TTN: variants seen among roughly 807,000 people sequenced by gnomAD.
TTN encodes the protein connectin.
A neutral mutation model predicts 3,223.0 loss-of-function variants in TTN; 1,525 were observed. The ratio of observed to expected loss-of-function variants is 0.47; its 90% CI spans 0.45 to 0.49. The LOEUF is 0.49. Ranked by LOEUF, TTN falls within the 20% of genes least tolerant of loss-of-function variation. The pLI is 0.00. For missense variants in TTN, 40,786 were observed against 43,424.0 expected (o/e 0.94, Z 5.40); for synonymous variants, 14,094 against 15,161.0 (o/e 0.93, Z 5.17).
chr2:178,741,650 G>A lies in TTN; in HGVS notation c.11583C>T (p.Thr3861=), dbSNP rs11899887. 1.8e-4 allele frequency: 288 copies of A among 1,613,752 alleles called. 6 individuals are homozygous for A. The African/African-American group carries it at 2.7e-3, about 15-fold the overall frequency. Residue 3861 remains threonine, a synonymous_variant, in exon 48 of 363, where the codon ACC becomes ACT. Transcript: ENST00000589042. ...IQWFFNGVLL[T]PSADYKFVFD... ...AAACAAATTTGTAGTCAGCAGAAGG[G>A]GTTAATAGCACTCCATTAAAGAACC...
rs376628842 is a variant in TTN, at chr2:178,549,821, C to T, written c.91901G>A (p.Gly30634Glu). 55 of 1,599,904 alleles carry T rather than the reference C, an allele frequency of 3.4e-5. No individual in the cohort carries two copies. The highest frequency in any genetic ancestry group is 4.6e-5 in the Non-Finnish European group (54 of 1,170,922). The change falls in exon 338 of 363, where the codon GGG becomes GAG. Residue 30634 changes from glycine (G) to glutamate (E), a missense_variant. Transcript: ENST00000589042. ...ATCCCACCACAGAGTCATCTTCTCCCCAGTAATATTGGTGAATCTTATTGG... is the reference window on the plus strand; with the variant it reads ...ATCCCACCACAGAGTCATCTTCTCCTCAGTAATATTGGTGAATCTTATTGG... ...VGPIRFTNIT[G>E]EKMTLWWDAP...
rs2055102170 is a variant in TTN at position 178,607,238 on chromosome 2, T to C, written c.53364A>G (p.Pro17788=). Residue 17788 remains proline (P), a synonymous_variant, in exon 278 of 363, where the codon CCA becomes CCG. Coordinates refer to ENST00000589042, the MANE Select transcript of TTN (RefSeq NM_001267550.2). ...RKMCLLNWSD[P]EDDGGSEITG... ...TTATTTCACTTCCTCCATCATCTTC[T>C]GGATCAGACCAGTTAAGTAGACACA... 5 of 1,612,890 alleles carry C rather than the reference T, an allele frequency of 3.1e-6. No homozygotes were observed. Among genetic ancestry groups the C allele is most frequent in the Non-Finnish European group, 3.4e-6 (4 of 1,179,320 alleles).
rs769941195 is a variant in TTN at position 178,556,837 on chromosome 2, A to C, written c.88306+11T>G. On this transcript the variant is annotated intron_variant, in intron 330 of 362. Transcript: ENST00000589042. ...ATAGCAATTTTGATTCAAAGTGCTA[A>C]GCATGCTTACCATAAGAATCGATGC... 6.2e-7 allele frequency: 1 copy of C among 1,612,632 alleles called. No homozygotes were observed. Among genetic ancestry groups the C allele is most frequent in the South Asian group, 1.1e-5 (1 of 91,034 alleles).
At chr2:178,642,364 C>T (rs779033292) in intron 218 of TTN, 47 bp from the exon 219 acceptor site, 37 of 1,507,922 alleles carry the variant, frequency 2.5e-5, no homozygotes, top group South Asian at 1.0e-4. Flanking sequence ...TATATAAAAA[C>T]GGAATTTCAA....
intron 223 of TTN, among the ~76,000 whole-genome samples, chr2:178,637,787 G>T (rs930878068): frequency 4.6e-5 from 7 of 152,030 alleles, no homozygotes; most frequent in East Asian, 3.9e-4. Context: ...ATAAGGTTTT[G>T]TCAATAAATC....
rs864622709 is a variant in TTN at position 178,654,235 on chromosome 2, T to C, written c.38353A>G (p.Lys12785Glu). 5 of 1,599,198 alleles carry C rather than the reference T, an allele frequency of 3.1e-6. No homozygotes were observed. Among genetic ancestry groups the C allele is most frequent in the Non-Finnish European group, 4.2e-6 (5 of 1,177,958 alleles). ...LEKKVSVAVP[K>E]KPEAPRAKVP... is the part of the protein sequence containing the mutation. ...TTTGCACGTGGGGCTTCCGGTTTTT[T>C]GGGCACAGCCACAGATACTTTCTTT... Residue 12785 changes from lysine to glutamate, a missense_variant, in exon 193 of 363, where the codon AAA becomes GAA. Transcript: ENST00000589042.
At position 178,557,025 on chromosome 2, in the gene TTN, G is replaced by A. The variant is rs908918470; in HGVS notation, c.88129C>T (p.Leu29377Phe). The A allele has an allele frequency of 1.9e-6, 3 of 1,613,680 alleles. No homozygotes were observed. The African/African-American group carries it at 4.0e-5, about 22-fold the overall frequency. ...ITGYIVERRD[L>F]PDGRWTKASF... ...GCCTTGGTCCATCTGCCATCTGGAA[G>A]GTCACGTCTCTCAACAATGTAGCCT... is the stretch of plus-strand genomic sequence containing the variant. The change falls in exon 330 of 363, where the codon CTT becomes TTT. Residue 29377 changes from leucine to phenylalanine, a missense_variant. Physicochemically the swap from Leu to Phe is conservative, Grantham distance 22. Transcript: ENST00000589042.
At chr2:178,637,682 C>T (rs1291341899) in intron 223 of TTN, among the ~76,000 whole-genome samples, 1 of 151,970 alleles carries the variant, frequency 6.6e-6, no homozygotes, top group African/African-American at 2.4e-5. Flanking sequence ...TTTTGGAAGG[C>T]TTACTGTTGC....
chr2:178,571,081 A>G lies in TTN; in HGVS notation c.75051T>C (p.Ile25017=), dbSNP rs1409342182. The G allele has an allele frequency of 1.2e-6, 2 of 1,613,118 alleles. No individual in the cohort carries two copies. The highest frequency in any genetic ancestry group is 1.7e-6 in the Non-Finnish European group (2 of 1,179,414). Residue 25017 remains isoleucine, a synonymous_variant, in exon 326 of 363, where the codon ATT becomes ATC. Transcript: ENST00000589042. ...CDPPGRPEAI[I]VTRNSVTLQW... is the part of the protein sequence containing the mutation. ...GAAGAGTCACAGAATTCCTTGTGAC[A>G]ATGATTGCCTCTGGCCGTCCTGGTG...
Position 178,650,239 on chromosome 2 carries a change from C to A in TTN, c.39742G>T (p.Glu13248Ter). Residue 13248 changes from glutamate to a stop codon, truncating the protein, a stop_gained, in exon 210 of 363, where the codon GAG becomes TAG. Coordinates refer to ENST00000589042, the MANE Select transcript of TTN (RefSeq NM_001267550.2). LOFTEE classifies it high-confidence loss of function. ...YEEPEEIAPE[E>*]EIAPEEEKPV... is the part of the protein sequence containing the mutation. Reference sequence around the variant, plus strand: ...TTTTCCTCTTCAGGAGCAATTTCCTCTTCAGGAGCAATTTCCTCAGGTTCT... The same window carrying A: ...TTTTCCTCTTCAGGAGCAATTTCCTATTCAGGAGCAATTTCCTCAGGTTCT... The A allele has an allele frequency of 6.3e-7, 1 of 1,593,492 alleles. No homozygotes were observed. The highest frequency in any genetic ancestry group is 2.3e-5 in the East Asian group (1 of 44,032).
chr2:178,598,772 G>A lies in TTN; in HGVS notation c.56938C>T (p.Pro18980Ser). ...GVGPASLPSD[P>S]ATARDPIAPP... ...CCAATTGGATCTCTAGCAGTCGCTG[G>A]GTCTGATGGCAGACTTGCTGGACCC... The change falls in exon 291 of 363, where the codon CCA (proline) becomes TCA (serine). Residue 18980 changes from proline (P) to serine (S), a missense_variant. By Grantham distance (74) the Pro-to-Ser change is moderately conservative (BLOSUM62 -1). Coordinates refer to ENST00000589042, the MANE Select transcript of TTN (RefSeq NM_001267550.2). 1 of 1,613,170 alleles carries A rather than the reference G, an allele frequency of 6.2e-7. No individual in the cohort carries two copies. Among genetic ancestry groups the A allele is most frequent in the Non-Finnish European group, 8.5e-7 (1 of 1,179,472 alleles).
At chr2:178,536,600 G>A in intron 356 of TTN, 25 bp from the exon 357 acceptor site, 1 of 1,472,162 alleles carries the variant, frequency 6.8e-7, no homozygotes, top group Non-Finnish European at 9.0e-7. Context: ...AAAGATTTGA[G>A]TCATGAGATG....
In TTN at chr2:178,607,475, T is replaced by A. The variant is rs773447539; in HGVS notation, c.53213A>T (p.Asp17738Val). ...AGCTGTAATCACATATCTGCCATGG[T>A]CTTTTCGCAGTGCATCCTTGATAAT... ...ELIIKDALRK[D>V]HGRYVITATN... Residue 17738 changes from aspartate to valine, a missense_variant, in exon 277 of 363, where the codon GAC becomes GTC. Transcript: ENST00000589042. The A allele has an allele frequency of 2.2e-5, 36 of 1,613,158 alleles. No homozygotes were observed. In the Admixed American group the frequency reaches 2.8e-4, roughly 13 times the overall value.
At position 178,636,277 on chromosome 2, in the gene TTN, A is replaced by C. The variant is rs1290840504; in HGVS notation, c.41330-36T>G. 2.0e-6 allele frequency: 3 copies of C among 1,479,356 alleles called. No homozygotes were observed. In the African/African-American group the frequency reaches 4.3e-5, roughly 21 times the overall value. 91.6% of individuals were successfully genotyped at this position (1,479,356 alleles called of 1,614,324 possible). A position where few individuals can be genotyped will look rare whatever the true frequency, so the allele number is the denominator to read the frequency against. Reference sequence around the variant, plus strand: ...TTTCAGTATATATTTCAATAAATACAATATTTTCAATGAAATAAAACTTGG... The same window carrying C: ...TTTCAGTATATATTTCAATAAATACCATATTTTCAATGAAATAAAACTTGG... On this transcript the variant is annotated intron_variant, in intron 225 of 362. Coordinates refer to ENST00000589042, the MANE Select transcript of TTN (RefSeq NM_001267550.2). This position sits in a 1 kb window ranked among gnomAD's most constrained non-coding sequence, Gnocchi z 4.3.
chr2:178,652,638 C>T lies in TTN; in HGVS notation c.39043+15G>A. The stretch of plus-strand genomic sequence containing the variant: ...AGAGATAGATCTTCTGACGCTTAAA[C>T]TCAATGACAAATACCTTTAACAGGT... On this transcript the variant is annotated intron_variant, in intron 201 of 362. Transcript: ENST00000589042. 2 of 1,610,604 alleles carry T rather than the reference C, an allele frequency of 1.2e-6. No individual in the cohort carries two copies. The highest frequency in any genetic ancestry group is 1.7e-6 in the Non-Finnish European group (2 of 1,178,910).
At chr2:178,738,404 C>G (rs1245655557) in intron 48 of TTN, 44 bp from the exon 49 acceptor site, 1 of 1,545,872 alleles carries the variant, frequency 6.5e-7, no homozygotes, top group Non-Finnish European at 8.7e-7. Flanking sequence ...CCTTATCAGG[C>G]ATATGACATT....
Position 178,609,759 on chromosome 2 carries a change from C to T in TTN, c.51664G>A (p.Val17222Met). 6.2e-7 allele frequency: 1 copy of T among 1,612,716 alleles called. No homozygotes were observed. The highest frequency in any genetic ancestry group is 8.5e-7 in the Non-Finnish European group (1 of 1,179,128). Reference protein sequence around the residue: ...LEEGKEYQFRVRAENAAGISE... With the variant: ...LEEGKEYQFRMRAENAAGISE... ...ATACCCGCGGCGTTCTCTGCTCGCA[C>T]ACGGAATTGGTACTCTTTCCCCTCT... Residue 17222 changes from valine (V) to methionine (M), a missense_variant, in exon 272 of 363, where the codon GTG (valine) becomes ATG (methionine). Val to Met is a conservative substitution (Grantham distance 21, BLOSUM62 1). Transcript: ENST00000589042.
rs766295829 is a variant in TTN at position 178,635,762 on chromosome 2, AAT to A, written c.41609-49_41609-48del. On this transcript the variant is annotated intron_variant, in intron 226 of 362. Transcript: ENST00000589042. ...AAAAATGATTAAGGTCTGAACAAGT[AAT>A]ATACATAGCTTCCTTAGTAAATTTC... 1.9e-6 allele frequency: 3 copies of A among 1,549,554 alleles called. No individual in the cohort carries two copies. The African/African-American group carries it at 4.2e-5, about 21-fold the overall frequency.
rs1312878869 is a variant in TTN at position 178,645,948 on chromosome 2, A to G, written c.40380T>C (p.Asp13460=). 2 of 1,587,262 alleles carry G rather than the reference A, an allele frequency of 1.3e-6. No homozygotes were observed. Among genetic ancestry groups the G allele is most frequent in the Non-Finnish European group, 1.7e-6 (2 of 1,168,586 alleles). ...TAAGTTGGAATATTTTCTCCTTCAC[A>G]TCTTCCTTAGGTGGAGCAGGTGGAG... ...PPPPPAPPKE[D]VKEKIFQLKA... The change falls in exon 217 of 363, where the codon GAT becomes GAC. Residue 13460 remains aspartate, a synonymous_variant. Coordinates refer to ENST00000589042, the MANE Select transcript of TTN (RefSeq NM_001267550.2).
Sources: gnomAD v4.1 joint callset for allele counts (sites outside exome capture counted in the v4.1 genomes callset) on GRCh38, gnomAD v4.1.1 for gene constraint, Gnocchi (gnomAD v3.1) non-coding constraint, MANE v1.5 for transcripts, NCBI Gene and HGNC (gene_info 2026-07-23, HGNC 2026-07-21) for gene names.